KCNH7: variants seen among roughly 807,000 people sequenced by gnomAD.
KCNH7 encodes the protein potassium voltage-gated channel subfamily H member 7.
Under a neutral mutation model 120.8 loss-of-function variants are expected in KCNH7, and 49 were observed. That is an observed-to-expected ratio of 0.41 (90% CI 0.32 to 0.51). The LOEUF (loss-of-function observed/expected upper bound fraction) is 0.51. Among genes scored for constraint, KCNH7 ranks in the 20% least tolerant of loss-of-function variants. KCNH7 has a pLI of 0.38. For missense variants in KCNH7, 1,097 were observed against 1,446.6 expected (o/e 0.76, Z 3.92); for synonymous variants, 547 against 516.1 (o/e 1.06, Z -0.81).
intron 2 of KCNH7, among the ~76,000 whole-genome samples, chr2:162,778,946 C>CTTTTTTTTTTTTTTTTT (rs200107249): frequency 7.3e-6 from 1 of 136,492 alleles, no homozygotes; most frequent in Admixed American, 7.3e-5. Flanking sequence ...GGAACAAATT[C>CTTTTTTTTTTTTTTTTT]TTTTTTTTTT....
intron 2 of KCNH7, among the ~76,000 whole-genome samples, chr2:162,676,781 A>C (rs1685543116): frequency 6.6e-6 from 1 of 151,492 alleles, no homozygotes; most frequent in African/African-American, 2.4e-5. Flanking sequence ...GTAACTTCAC[A>C]GAAAAGCTTT....
intron 2 of KCNH7, among the ~76,000 whole-genome samples, chr2:162,703,567 A>AC (rs1686588971): frequency 6.6e-6 from 1 of 152,164 alleles, no homozygotes; most frequent in African/African-American, 2.4e-5. Flanking sequence ...ACAGTAAGAA[A>AC]CCAATTTCAA....
At chr2:162,807,276 A>C (rs904387574) in intron 2 of KCNH7, among the ~76,000 whole-genome samples, 3 of 149,686 alleles carry the variant, frequency 2.0e-5, no homozygotes, top group Non-Finnish European at 4.5e-5. Context: ...AAAAAAAAAA[A>C]AAAAAAACAA....
intron 2 of KCNH7, among the ~76,000 whole-genome samples, chr2:162,682,879 A>G (rs535831500): frequency 6.6e-6 from 1 of 151,914 alleles, no homozygotes; most frequent in Admixed American, 6.6e-5. Flanking sequence ...TCCAGAAAAA[A>G]CCCAGACAAT....
intron 2 of KCNH7, among the ~76,000 whole-genome samples, chr2:162,732,992 GC>G (rs1160691817): frequency 6.6e-6 from 1 of 152,174 alleles, no homozygotes; most frequent in East Asian, 1.9e-4. Flanking sequence ...CAGATTCAGA[GC>G]TTGTCTCGAA....
intron 6 of KCNH7, among the ~76,000 whole-genome samples, chr2:162,487,639 A>T (rs1268555244): frequency 1.3e-5 from 2 of 152,234 alleles, no homozygotes; most frequent in Admixed American, 1.3e-4. Context: ...TGAGTTCTAG[A>T]GGGTTTATTA....
chr2:162,751,957 A>C (rs1421423570), intron 2 of KCNH7, among the ~76,000 whole-genome samples: 1 of 152,034 alleles, frequency 6.6e-6, no homozygotes, highest in African/African-American at 2.4e-5. Context: ...ACTAGAATAA[A>C]ATTTCTAGTG....
At chr2:162,706,132 G>T (rs905909296) in intron 2 of KCNH7, among the ~76,000 whole-genome samples, 2 of 152,074 alleles carry the variant, frequency 1.3e-5, no homozygotes, top group Admixed American at 6.6e-5. Flanking sequence ...GACTAAGGGA[G>T]CTGTGCTGGA....
chr2:162,723,087 C>A (rs1194729726), intron 2 of KCNH7, among the ~76,000 whole-genome samples: 1 of 151,472 alleles, frequency 6.6e-6, no homozygotes. Flanking sequence ...CATAAAGATG[C>A]TATTTTATTT....
chr2:162,748,479 A>G (rs1188817874), intron 2 of KCNH7, among the ~76,000 whole-genome samples: 1 of 152,180 alleles, frequency 6.6e-6, no homozygotes, highest in African/African-American at 2.4e-5. Context: ...GTGTGTGTAC[A>G]TGTGGAATAT....
At chr2:162,585,545 G>C (rs76548047) in intron 2 of KCNH7, among the ~76,000 whole-genome samples, 6,673 of 151,832 alleles carry the variant, frequency 0.044, 292 homozygotes, top group East Asian at 0.11. Flanking sequence ...ATAATACAGA[G>C]ATTTTGAAAG....
At position 162,446,335 on chromosome 2, in the gene KCNH7, G is replaced by C. The variant is rs1271360704; in HGVS notation, c.1237C>G (p.Leu413Val). 1.9e-6 allele frequency: 3 copies of C among 1,613,812 alleles called. No homozygotes were observed. The East Asian group carries it at 6.7e-5, about 36-fold the overall frequency. ...GTGTATATGACCAACAGCAGGATAA[G>C]CCAGTCCCAGACTGCCTTGAAAGGG... ...YSPFKAVWDW[L>V]ILLLVIYTAI... The change falls in exon 7 of 16, where the codon CTT becomes GTT. Residue 413 changes from leucine (L) to valine (V), a missense_variant. This residue lies in a region of KCNH7 where 109 missense variants were observed against 196.8 expected (regional missense o/e 0.55). Transcript: ENST00000332142.
chr2:162,714,406 G>C (rs1687037642), intron 2 of KCNH7, among the ~76,000 whole-genome samples: 1 of 152,134 alleles, frequency 6.6e-6, no homozygotes, highest in African/African-American at 2.4e-5. Context: ...CGTGAGGGAG[G>C]AAAATAAGGT....
intron 9 of KCNH7, among the ~76,000 whole-genome samples, chr2:162,419,788 G>C (rs1687647027): frequency 6.6e-6 from 1 of 152,152 alleles, no homozygotes; most frequent in South Asian, 2.1e-4. Context: ...CCAGGCTCCT[G>C]TGTGTGATGT....
At chr2:162,491,454 C>T (rs765027944) in intron 6 of KCNH7, among the ~76,000 whole-genome samples, 2 of 152,156 alleles carry the variant, frequency 1.3e-5, no homozygotes, top group Non-Finnish European at 2.9e-5. Flanking sequence ...GACCCAGCTC[C>T]ACAGCTTTAC....
intron 2 of KCNH7, among the ~76,000 whole-genome samples, chr2:162,683,181 A>G (rs1685773813): frequency 6.6e-6 from 1 of 151,894 alleles, no homozygotes; most frequent in Admixed American, 6.6e-5. Flanking sequence ...TTATTTGCTT[A>G]GAGACACATT....
intron 9 of KCNH7, 116 bp downstream of exon 9, chr2:162,423,220 C>A: frequency 6.3e-7 from 1 of 1,586,358 alleles, no homozygotes; most frequent in South Asian, 1.2e-5. Context: ...AAATACACAT[C>A]CGAGAGAAGA....
At chr2:162,681,908 G>C (rs1574259894) in intron 2 of KCNH7, among the ~76,000 whole-genome samples, 1 of 151,226 alleles carries the variant, frequency 6.6e-6, no homozygotes, top group South Asian at 2.1e-4. Flanking sequence ...AGTCATGAGA[G>C]ATAAAGAAAT....
intron 3 of KCNH7, among the ~76,000 whole-genome samples, chr2:162,526,749 T>A (rs142976038): frequency 6.6e-6 from 1 of 152,000 alleles, no homozygotes; most frequent in Non-Finnish European, 1.5e-5. Context: ...TACAAACAAT[T>A]TGTGCAGTTA....
Sources: gnomAD v4.1 joint callset for allele counts (sites outside exome capture counted in the v4.1 genomes callset) on GRCh38, gnomAD v4.1.1 for gene constraint, gnomAD v4.1.1 regional missense constraint, MANE v1.5 for transcripts, NCBI Gene and HGNC (gene_info 2026-07-23, HGNC 2026-07-21) for gene names.